The following RAD50 variants were observed in gnomAD, a reference collection of about 807,000 sequenced individuals.
The protein encoded by RAD50 is DNA repair protein RAD50.
In RAD50, 132 loss-of-function variants were observed where a neutral mutation model predicts 168.8. The ratio of observed to expected loss-of-function variants is 0.78; its 90% CI spans 0.68 to 0.90. The LOEUF (loss-of-function observed/expected upper bound fraction) is 0.90. Ranked by LOEUF, RAD50 falls within the 40% of genes least tolerant of loss-of-function variation. The probability of loss-of-function intolerance (pLI) is 0.00; values close to 1 mark genes in which losing one functional copy is unlikely to be tolerated. For synonymous variants in RAD50, 525 were observed against 497.4 expected (o/e 1.06, Z -0.74); for missense variants, 1,347 against 1,534.4 (o/e 0.88, Z 2.04).
chr5:132,601,255 C>T (rs1750882672), intron 13 of RAD50, among the ~76,000 whole-genome samples: 1 of 152,154 alleles, frequency 6.6e-6, no homozygotes, highest in East Asian at 1.9e-4. Flanking sequence ...GCCTCAGCCT[C>T]CCAAAGTGCT....
Position 132,591,327 on chromosome 5 carries a change from G to T in RAD50, c.1556G>T (p.Arg519Leu), listed in dbSNP as rs140333740. The change falls in exon 10 of 25, where the codon CGT (arginine) becomes CTT (leucine). Residue 519 changes from arginine (R) to leucine (L), a missense_variant. Physicochemically the swap from Arg to Leu is moderately radical, Grantham distance 102 (BLOSUM62 -2). Coordinates refer to ENST00000378823, the MANE Select transcript of RAD50 (RefSeq NM_005732.4). ...NEKADLDRTL[R>L]KLDQEMEQLN... ...AAAGCAGACTTAGACAGGACCCTGC[G>T]TAAACTTGACCAGGAGATGGAGCAG... 12 of 1,613,740 alleles carry T rather than the reference G, an allele frequency of 7.4e-6. No homozygotes were observed. In the African/African-American group the frequency reaches 1.6e-4, roughly 22 times the overall value.
chr5:132,643,194 T>G lies in RAD50; in HGVS notation c.*830T>G. ...TCCTGATTCCTCTCTAAGTGGGCAT[T>G]GCCATGTGGAAGGCAAGCCAGGCTC... On this transcript the variant is annotated 3_prime_UTR_variant, in exon 25 of 25. Transcript: ENST00000378823. The G allele has an allele frequency of 2.6e-6, 1 of 384,332 alleles. No individual in the cohort carries two copies. Among genetic ancestry groups the G allele is most frequent in the Non-Finnish European group, 5.6e-6 (1 of 177,338 alleles). 23.8% of individuals were successfully genotyped at this position (384,332 alleles called of 1,614,324 possible). A position where few individuals can be genotyped will look rare whatever the true frequency, so the allele number is the denominator to read the frequency against.
chr5:132,576,490 T>C (rs989358029), intron 3 of RAD50, among the ~76,000 whole-genome samples: 1 of 152,236 alleles, frequency 6.6e-6, no homozygotes, highest in Non-Finnish European at 1.5e-5. Flanking sequence ...ATTACTTGAC[T>C]ATTCAGCTTC....
rs749904479 is a variant in RAD50, at chr5:132,616,023, A to G, written c.3057A>G (p.Gln1019=). 4 of 1,590,622 alleles carry G rather than the reference A, an allele frequency of 2.5e-6. No homozygotes were observed. Among genetic ancestry groups the G allele is most frequent in the Non-Finnish European group, 3.5e-6 (4 of 1,159,006 alleles). The change falls in exon 20 of 25, where the codon CAA becomes CAG. Residue 1019 remains glutamine, a synonymous_variant. Transcript: ENST00000378823. The part of the protein sequence containing the change: ...DTQKIQERWL[Q]DNLTLRKRNE... ...TTTAGATACAAGAAAGGTGGCTACA[A>G]GATAACCTTACTTTAAGAAAAAGAA...
intron 21 of RAD50, chr5:132,630,833 T>G (rs1203315796): frequency 1.3e-5 from 2 of 152,238 alleles, no homozygotes; most frequent in Non-Finnish European, 2.9e-5. Context: ...TCCTCATCCC[T>G]CTTTTCTGCT....
At chr5:132,627,457 A>G (rs1751391902) in intron 21 of RAD50, among the ~76,000 whole-genome samples, 1 of 152,204 alleles carries the variant, frequency 6.6e-6, no homozygotes, top group African/African-American at 2.4e-5. Flanking sequence ...GAAAATGAAC[A>G]ATGTGAGCAT....
intron 2 of RAD50, among the ~76,000 whole-genome samples, chr5:132,564,357 A>G (rs1473716637): frequency 6.6e-6 from 1 of 152,208 alleles, no homozygotes; most frequent in East Asian, 1.9e-4. Flanking sequence ...ACTGGAGTAA[A>G]GGTCACTCTT....
At chr5:132,586,403 A>G (rs1474143052) in intron 5 of RAD50, among the ~76,000 whole-genome samples, 1 of 152,218 alleles carries the variant, frequency 6.6e-6, no homozygotes, top group Non-Finnish European at 1.5e-5. Context: ...AACATAGCAG[A>G]CATTCAATCA....
chr5:132,601,426 A>G (rs555101122), intron 13 of RAD50, among the ~76,000 whole-genome samples: 10 of 152,332 alleles, frequency 6.6e-5, no homozygotes, highest in Admixed American at 5.2e-4. Context: ...ATGTATACCT[A>G]CAGTTCTTCA....
In RAD50 at chr5:132,579,961, G is replaced by A. The variant is rs1251074439; in HGVS notation, c.651G>A (p.Lys217=). Residue 217 remains lysine, a synonymous_variant, in exon 5 of 25, where the codon AAG becomes AAA. Transcript: ENST00000378823. ...QMELKYLKQY[K]EKACEIRDQI... ...AACTAAAATATCTGAAGCAATATAA[G>A]GAAAAAGCTTGTGAGATTCGTGATC... is the stretch of plus-strand genomic sequence containing the variant. 1.2e-6 allele frequency: 2 copies of A among 1,612,164 alleles called. No individual in the cohort carries two copies. The highest frequency in any genetic ancestry group is 1.7e-4 in the Middle Eastern group (1 of 6,058).
At chr5:132,605,673 G>A (rs1304693042) in intron 16 of RAD50, among the ~76,000 whole-genome samples, 1 of 151,962 alleles carries the variant, frequency 6.6e-6, no homozygotes, top group Non-Finnish European at 1.5e-5. Flanking sequence ...TTAGTGTAAT[G>A]GCCAGAACTC....
intron 23 of RAD50, among the ~76,000 whole-genome samples, chr5:132,639,544 TAC>T (rs1378558580): frequency 6.6e-6 from 1 of 152,158 alleles, no homozygotes; most frequent in African/African-American, 2.4e-5. Flanking sequence ...AATGAGAAAA[TAC>T]AGAGTTTGAA....
intron 2 of RAD50, among the ~76,000 whole-genome samples, chr5:132,564,208 A>G (rs915897188): frequency 5.3e-5 from 8 of 152,222 alleles, no homozygotes; most frequent in African/African-American, 1.9e-4. Flanking sequence ...GGAGGGCTCA[A>G]AAGAAGACAG....
chr5:132,598,273 A>G (rs1177170427), intron 13 of RAD50, among the ~76,000 whole-genome samples: 1 of 150,156 alleles, frequency 6.7e-6, no homozygotes, highest in Non-Finnish European at 1.5e-5. Flanking sequence ...CTGGTTTCAA[A>G]CTCCTCACCT....
At chr5:132,577,884 A>C (rs956442209) in intron 3 of RAD50, among the ~76,000 whole-genome samples, 3 of 135,726 alleles carry the variant, frequency 2.2e-5, no homozygotes, top group Admixed American at 1.7e-4. Context: ...GTGAAATCTC[A>C]GCTCACTGCA....
chr5:132,628,860 G>C (rs1344597677), intron 21 of RAD50, among the ~76,000 whole-genome samples: 4 of 151,636 alleles, frequency 2.6e-5, no homozygotes, highest in Non-Finnish European at 4.4e-5. Flanking sequence ...AAAAAAAAAA[G>C]AAAAAGAAAT....
At chr5:132,589,530 C>CT in intron 8 of RAD50, 101 bp from the exon 9 acceptor site, 1 of 954,536 alleles carries the variant, frequency 1.0e-6, no homozygotes, top group Middle Eastern at 3.5e-4. Flanking sequence ...CACGACTGTA[C>CT]TTTTTTGTAT....
At chr5:132,606,658 C>T (rs1750990959) in intron 16 of RAD50, among the ~76,000 whole-genome samples, 1 of 152,110 alleles carries the variant, frequency 6.6e-6, no homozygotes, top group African/African-American at 2.4e-5. Flanking sequence ...CTAGCAGAGA[C>T]ACAACAAAAA....
rs956123763 is a variant in RAD50, at chr5:132,643,331, C to T, written c.*967C>T. 47 of 247,994 alleles carry T rather than the reference C, an allele frequency of 1.9e-4. No homozygotes were observed. The highest frequency in any genetic ancestry group is 3.4e-4 in the Non-Finnish European group (42 of 121,904). 15.4% of individuals were successfully genotyped at this position (247,994 alleles called of 1,614,324 possible). ...TAAGAAAAGCCTAATCACAGTTTTTCCTGGAATTGCCAGCTGACATCTTGA... is the reference window on the plus strand; with the variant it reads ...TAAGAAAAGCCTAATCACAGTTTTTTCTGGAATTGCCAGCTGACATCTTGA... On this transcript the variant is annotated 3_prime_UTR_variant, in exon 25 of 25. Transcript: ENST00000378823.
Sources: gnomAD v4.1 joint callset for allele counts (sites outside exome capture counted in the v4.1 genomes callset) on GRCh38, gnomAD v4.1.1 for gene constraint, MANE v1.5 for transcripts, NCBI Gene and HGNC (gene_info 2026-07-23, HGNC 2026-07-21) for gene names.